Variants in C16orf87 observed in about 807,000 individuals in gnomAD.
C16orf87 encodes the protein HDAC and MIER1 interacting protein 1, also known as UPF0547 protein C16orf87.
In C16orf87, 13 loss-of-function variants were observed where a neutral mutation model predicts 21.0. That is an observed-to-expected ratio of 0.62 (90% CI 0.40 to 0.98). The LOEUF (loss-of-function observed/expected upper bound fraction) is 0.98. Among genes scored for constraint, C16orf87 ranks in the 50% least tolerant of loss-of-function variants. The pLI, the probability that C16orf87 is intolerant of heterozygous loss-of-function variation, is 0.00. For missense variants in C16orf87, 113 were observed against 180.4 expected, an observed-to-expected ratio of 0.63 and a Z score of 2.14; for synonymous variants, 49 against 60.2, an observed-to-expected ratio of 0.81 and a Z score of 0.86.
At chr16:46,815,497 T>C (rs1375408446) in intron 2 of C16orf87, among the ~76,000 whole-genome samples, 1 of 151,666 alleles carries the variant, frequency 6.6e-6, no homozygotes, top group Non-Finnish European at 1.5e-5. Context: ...CAAATTATTA[T>C]AAGAGATTAA....
At chr16:46,828,595 A>G (rs1959718927) in intron 1 of C16orf87, among the ~76,000 whole-genome samples, 1 of 152,226 alleles carries the variant, frequency 6.6e-6, no homozygotes, top group Admixed American at 6.5e-5. Flanking sequence ...AGCAGTTGAA[A>G]ATCTAGCTTT....
chr16:46,801,129 C>A lies in C16orf87; in HGVS notation c.*1823G>T, dbSNP rs1003688433. ...TTTTTAGATATTAATCATTTTTAAGCTTTTTTACTTAAAATCAAAAGTTTC... is the reference window on the plus strand; with the variant it reads ...TTTTTAGATATTAATCATTTTTAAGATTTTTTACTTAAAATCAAAAGTTTC... On this transcript the variant is annotated 3_prime_UTR_variant, in exon 4 of 4. Coordinates refer to ENST00000285697, the MANE Select transcript of C16orf87 (RefSeq NM_001001436.4). The A allele has an allele frequency of 6.6e-5, 10 of 152,114 alleles. No individual in the cohort carries two copies. Among genetic ancestry groups the A allele is most frequent in the Admixed American group, 1.3e-4 (2 of 15,270 alleles). 9.4% of individuals were successfully genotyped at this position (152,114 alleles called of 1,614,324 possible). A position where few individuals can be genotyped will look rare whatever the true frequency, so the allele number is the denominator to read the frequency against.
intron 1 of C16orf87, among the ~76,000 whole-genome samples, chr16:46,830,272 G>GAC (rs1959793469): frequency 1.8e-5 from 2 of 108,236 alleles, no homozygotes; most frequent in African/African-American, 3.4e-5. Context: ...GACAGACAGA[G>GAC]AGAGAGAGAG....
intron 1 of C16orf87, among the ~76,000 whole-genome samples, chr16:46,829,143 G>A (rs1300318359): frequency 6.6e-6 from 1 of 152,080 alleles, no homozygotes; most frequent in Non-Finnish European, 1.5e-5. Context: ...TGTGATTAGG[G>A]ACCTTTTAAG....
rs758468161 is a variant in C16orf87 at position 46,830,307 on chromosome 16, A to AGAGAGAGAGAGAGAGAGAGAGT, written c.66+776_66+777insACTCTCTCTCTCTCTCTCTCTC. ...GAGAGAGAGAGAGAGAGAGAGAGAG[A>AGAGAGAGAGAGAGAGAGAGAGT]GACACACAGAGACATTCAGACAGAC... On this transcript the variant is annotated intron_variant, in intron 1 of 3. Transcript: ENST00000285697. 1.2e-3 allele frequency among the ~76,000 whole-genome samples: 127 copies of AGAGAGAGAGAGAGAGAGAGAGT among 109,202 alleles called. 11 individuals are homozygous for AGAGAGAGAGAGAGAGAGAGAGT. Among genetic ancestry groups the AGAGAGAGAGAGAGAGAGAGAGT allele is most frequent in the Middle Eastern group, 5.6e-3 (1 of 180 alleles). 71.6% of individuals were successfully genotyped at this position (109,202 alleles called of 152,430 possible). A position where few individuals can be genotyped will look rare whatever the true frequency, so the allele number is the denominator to read the frequency against.
At chr16:46,816,225 T>C (rs957576160) in intron 2 of C16orf87, among the ~76,000 whole-genome samples, 6 of 151,830 alleles carry the variant, frequency 4.0e-5, no homozygotes, top group Admixed American at 1.3e-4. Context: ...TTGCCTGGGG[T>C]ATGGGGGAGA....
intron 1 of C16orf87, among the ~76,000 whole-genome samples, chr16:46,826,249 T>G (rs1449729093): frequency 1.3e-5 from 2 of 152,170 alleles, no homozygotes; most frequent in East Asian, 3.8e-4. Context: ...CCCATAATCA[T>G]TTCACCCATA....
chr16:46,819,924 G>A (rs1959345799), intron 2 of C16orf87, among the ~76,000 whole-genome samples: 1 of 151,854 alleles, frequency 6.6e-6, no homozygotes, highest in African/African-American at 2.4e-5. Flanking sequence ...CAGAGGTTGT[G>A]GTGAGCCAAT....
intron 2 of C16orf87, among the ~76,000 whole-genome samples, chr16:46,816,268 G>A (rs961206797): frequency 9.2e-5 from 14 of 152,082 alleles, no homozygotes; most frequent in African/African-American, 3.1e-4. Context: ...ATGGGTACAC[G>A]GTTTCAGTTT....
intron 3 of C16orf87, among the ~76,000 whole-genome samples, chr16:46,809,241 C>T (rs553424580): frequency 6.6e-6 from 1 of 151,172 alleles, no homozygotes; most frequent in African/African-American, 2.4e-5. Context: ...GAGCCATGAC[C>T]GCGCCACTGC....
chr16:46,812,042 G>A lies in C16orf87; in HGVS notation c.164-2257C>T, dbSNP rs143145384. 4.8e-4 allele frequency among the ~76,000 whole-genome samples: 73 copies of A among 152,226 alleles called. 1 individual carries two copies. The Middle Eastern group carries it at 0.01, about 21-fold the overall frequency. ...GCGGATCACCTGAGTTCAGGAGTTCGAGACCAGCCTAGCCAACATGATGAA... is the reference window on the plus strand; with the variant it reads ...GCGGATCACCTGAGTTCAGGAGTTCAAGACCAGCCTAGCCAACATGATGAA... On this transcript the variant is annotated intron_variant, in intron 2 of 3. Coordinates refer to ENST00000285697, the MANE Select transcript of C16orf87 (RefSeq NM_001001436.4).
At chr16:46,805,568 T>C (rs1406451450) in intron 3 of C16orf87, among the ~76,000 whole-genome samples, 1 of 152,230 alleles carries the variant, frequency 6.6e-6, no homozygotes, top group African/African-American at 2.4e-5. Context: ...CTTGCTTTTT[T>C]CCAAGTTATT....
chr16:46,823,806 T>C (rs952034661), intron 2 of C16orf87, among the ~76,000 whole-genome samples: 1 of 152,082 alleles, frequency 6.6e-6, no homozygotes, highest in Non-Finnish European at 1.5e-5. Flanking sequence ...CATGGCTGAA[T>C]CCTAAATAAT....
chr16:46,820,351 G>A (rs1033165734), intron 2 of C16orf87, among the ~76,000 whole-genome samples: 1 of 152,046 alleles, frequency 6.6e-6, no homozygotes, highest in Non-Finnish European at 1.5e-5. Context: ...CCTTGACTCT[G>A]TACTTGTTAT....
At chr16:46,817,885 G>A (rs1043779729) in intron 2 of C16orf87, among the ~76,000 whole-genome samples, 2 of 125,038 alleles carry the variant, frequency 1.6e-5, no homozygotes, top group African/African-American at 6.1e-5. Context: ...CAGGCTCAGA[G>A]GTAAAGGTAT....
chr16:46,810,227 C>T lies in C16orf87; in HGVS notation c.164-442G>A, dbSNP rs564000613. Among the ~76,000 whole-genome samples the T allele has an allele frequency of 1.6e-4, 24 of 152,114 alleles. No individual in the cohort carries two copies. In the Middle Eastern group the frequency reaches 0.01, roughly 65 times the overall value. Reference sequence around the variant, plus strand: ...AAAGCAAAACTGATCTTAGAGATAACGTATTAAGGTTACAATAAAAATCAA... The same window carrying T: ...AAAGCAAAACTGATCTTAGAGATAATGTATTAAGGTTACAATAAAAATCAA... On this transcript the variant is annotated intron_variant, in intron 2 of 3. Coordinates refer to ENST00000285697, the MANE Select transcript of C16orf87 (RefSeq NM_001001436.4).
At chr16:46,808,736 A>T (rs578139159) in intron 3 of C16orf87, among the ~76,000 whole-genome samples, 2 of 152,302 alleles carry the variant, frequency 1.3e-5, no homozygotes, top group East Asian at 3.9e-4. Context: ...TTTTAAAAAG[A>T]TGCATAAATC....
At chr16:46,819,467 G>A (rs960585636) in intron 2 of C16orf87, among the ~76,000 whole-genome samples, 3 of 151,502 alleles carry the variant, frequency 2.0e-5, no homozygotes, top group Admixed American at 6.6e-5. Context: ...ACACCACCAC[G>A]CCCAACTAAT....
rs1167307266 is a variant in C16orf87 at position 46,799,769 on chromosome 16, C to T, written c.*3183G>A. On this transcript the variant is annotated 3_prime_UTR_variant, in exon 4 of 4. Coordinates refer to ENST00000285697, the MANE Select transcript of C16orf87 (RefSeq NM_001001436.4). ...CTCCTGGGCTCAAGTGATCCTTTAG[C>T]CTCAGCTGCCTAGTAGCTGGAAGCA... 1 of 152,192 alleles carries T rather than the reference C, an allele frequency of 6.6e-6. No individual in the cohort carries two copies. The highest frequency in any genetic ancestry group is 1.5e-5 in the Non-Finnish European group (1 of 68,050). The allele number at this position is 152,192 out of a possible 1,614,324, so 9.4% of individuals were successfully genotyped here.
Sources: allele counts gnomAD v4.1 joint callset (sites outside exome capture counted in the v4.1 genomes callset), GRCh38; gene constraint gnomAD v4.1.1; transcripts MANE v1.5; gene names NCBI Gene and HGNC (gene_info 2026-07-23, HGNC 2026-07-21).